NRXN3: variants seen among roughly 807,000 people sequenced by gnomAD.
The protein encoded by NRXN3 is neurexin 3.
Under a neutral mutation model 137.6 loss-of-function variants are expected in NRXN3, and 32 were observed. The observed-to-expected ratio is 0.23, with a 90% CI of 0.18 to 0.31. The LOEUF is 0.31. Among genes scored for constraint, NRXN3 ranks in the 10% least tolerant of loss-of-function variants. NRXN3 has a pLI of 1.00. For missense variants in NRXN3, 1,574 were observed against 2,062.5 expected (o/e 0.76, Z 4.59); for synonymous variants, 798 against 784.5 (o/e 1.02, Z -0.29).
chr14:78,768,687 G>A (rs887107458), intron 8 of NRXN3, among the ~76,000 whole-genome samples: 3 of 152,112 alleles, frequency 2.0e-5, no homozygotes, highest in Non-Finnish European at 4.4e-5. Flanking sequence ...TAAAGGCCCG[G>A]CACAGTGCTA....
intron 19 of NRXN3, among the ~76,000 whole-genome samples, chr14:79,789,878 T>C (rs1421584124): frequency 1.3e-5 from 2 of 152,172 alleles, no homozygotes; most frequent in Non-Finnish European, 1.5e-5. Context: ...CAGCCTCATT[T>C]TACCCAGCTC....
intron 15 of NRXN3, among the ~76,000 whole-genome samples, chr14:79,028,379 C>T (rs1038214179): frequency 2.0e-5 from 3 of 152,158 alleles, no homozygotes; most frequent in Admixed American, 6.6e-5. Context: ...ATCTTATCTG[C>T]ACTGCAGTCT....
chr14:78,499,513 G>A (rs2153771244), intron 4 of NRXN3, among the ~76,000 whole-genome samples: 1 of 152,216 alleles, frequency 6.6e-6, no homozygotes, highest in Non-Finnish European at 1.5e-5. Context: ...TGCTTTATTA[G>A]TTATCTTTTG....
At chr14:79,379,138 T>A (rs2094393270) in intron 15 of NRXN3, among the ~76,000 whole-genome samples, 1 of 152,126 alleles carries the variant, frequency 6.6e-6, no homozygotes, top group Non-Finnish European at 1.5e-5. Flanking sequence ...AAGCTAGAAT[T>A]TTTTTGTTTT....
intron 15 of NRXN3, among the ~76,000 whole-genome samples, chr14:79,375,033 G>T (rs1044390874): frequency 2.6e-5 from 4 of 152,092 alleles, no homozygotes; most frequent in African/African-American, 9.7e-5. Context: ...GGCTATATAT[G>T]AAAAACAGTG....
chr14:78,819,359 C>G (rs377035180), intron 10 of NRXN3, among the ~76,000 whole-genome samples: 113 of 152,040 alleles, frequency 7.4e-4, no homozygotes, highest in African/African-American at 2.7e-3. Flanking sequence ...CAATAAAAAA[C>G]CAATATAACA....
At chr14:78,358,745 A>G (rs1357163647) in intron 4 of NRXN3, among the ~76,000 whole-genome samples, 1 of 152,158 alleles carries the variant, frequency 6.6e-6, no homozygotes, top group East Asian at 1.9e-4. Flanking sequence ...GGGCTTGGTG[A>G]CAGTCAGATT....
At chr14:78,367,219 T>C (rs374538602) in intron 4 of NRXN3, among the ~76,000 whole-genome samples, 3 of 152,208 alleles carry the variant, frequency 2.0e-5, no homozygotes, top group African/African-American at 7.2e-5. Flanking sequence ...TGTGCATCTC[T>C]CAAAAAACAG....
chr14:78,531,345 T>C (rs73324438), intron 4 of NRXN3, among the ~76,000 whole-genome samples: 5,366 of 152,274 alleles, frequency 0.035, 294 homozygotes, highest in African/African-American at 0.12. Context: ...CTTCTCAGTG[T>C]CTAATTGCTA....
chr14:79,139,313 G>T (rs182648127), intron 15 of NRXN3, among the ~76,000 whole-genome samples: 7 of 152,206 alleles, frequency 4.6e-5, no homozygotes, highest in African/African-American at 1.4e-4. Context: ...AAGACTTCAG[G>T]ATTTCTCTTG....
chr14:79,624,439 GTA>G (rs5809946), intron 16 of NRXN3, among the ~76,000 whole-genome samples: 49,834 of 149,924 alleles, frequency 0.33, 11,099 homozygotes, highest in African/African-American at 0.65. Context: ...CTCCATATAT[GTA>G]TATATATATA....
chr14:79,589,527 G>A, intron 16 of NRXN3, among the ~76,000 whole-genome samples: 2 of 65,222 alleles, frequency 3.1e-5, no homozygotes. Context: ...GAACACTTAA[G>A]AGAGAATAAG....
At chr14:79,491,326 C>T (rs994626399) in intron 16 of NRXN3, among the ~76,000 whole-genome samples, 3 of 152,138 alleles carry the variant, frequency 2.0e-5, no homozygotes, top group African/African-American at 7.2e-5. Context: ...TACTCAGCCT[C>T]CATGTTTTTC....
At chr14:78,643,538 T>A (rs993745042) in intron 4 of NRXN3, among the ~76,000 whole-genome samples, 1 of 152,168 alleles carries the variant, frequency 6.6e-6, no homozygotes, top group Admixed American at 6.5e-5. Context: ...TAAAATATAT[T>A]TCACCCTCTT....
At chr14:78,756,497 G>T (rs2098668914) in intron 8 of NRXN3, among the ~76,000 whole-genome samples, 1 of 148,156 alleles carries the variant, frequency 6.7e-6, no homozygotes, top group Non-Finnish European at 1.5e-5. Context: ...AGCCTGGGTG[G>T]CTCTGATCGC....
intron 20 of NRXN3, among the ~76,000 whole-genome samples, chr14:79,827,226 G>A (rs1333890078): frequency 6.6e-6 from 1 of 152,142 alleles, no homozygotes; most frequent in Non-Finnish European, 1.5e-5. Context: ...GCATACCATG[G>A]TAGGACAGGT....
intron 15 of NRXN3, among the ~76,000 whole-genome samples, chr14:78,992,529 C>T (rs996323998): frequency 6.6e-6 from 1 of 152,112 alleles, no homozygotes; most frequent in African/African-American, 2.4e-5. Flanking sequence ...CATGGCAGCA[C>T]CAGGCAAATC....
intron 8 of NRXN3, among the ~76,000 whole-genome samples, chr14:78,740,305 C>A (rs2098558775): frequency 6.6e-6 from 1 of 151,990 alleles, no homozygotes; most frequent in African/African-American, 2.4e-5. Flanking sequence ...CGCCTGATGT[C>A]TTGAGGCTTA....
intron 15 of NRXN3, among the ~76,000 whole-genome samples, chr14:79,227,020 A>G (rs530765479): frequency 6.6e-6 from 1 of 151,994 alleles, no homozygotes; most frequent in South Asian, 2.1e-4. Flanking sequence ...GGGTTTCACC[A>G]TATTGGTCAG....
Sources: gnomAD v4.1 joint callset for allele counts (sites outside exome capture counted in the v4.1 genomes callset) on GRCh38, gnomAD v4.1.1 for gene constraint, MANE v1.5 for transcripts, NCBI Gene and HGNC (gene_info 2026-07-23, HGNC 2026-07-21) for gene names.